The following MORC1 variants were observed in gnomAD, a reference collection of about 807,000 sequenced individuals.
MORC1 encodes the protein MORC family CW-type zinc finger protein 1.
A neutral mutation model predicts 134.9 loss-of-function variants in MORC1; 59 were observed. The observed-to-expected ratio is 0.44, with a 90% CI of 0.35 to 0.54. The LOEUF (loss-of-function observed/expected upper bound fraction) is 0.54. MORC1 is among the 20% of genes least tolerant of loss of function. The pLI, the probability that MORC1 is intolerant of heterozygous loss-of-function variation, is 0.00. For missense variants in MORC1, 947 were observed against 1,134.5 expected (o/e 0.83, Z 2.37); for synonymous variants, 395 against 391.7 (o/e 1.01, Z -0.10).
chr3:109,073,892 T>C (rs909334422), intron 8 of MORC1, among the ~76,000 whole-genome samples: 17 of 152,144 alleles, frequency 1.1e-4, no homozygotes, highest in African/African-American at 3.6e-4. Context: ...CTATGAGAAA[T>C]GTCAACTCGA....
intron 27 of MORC1, among the ~76,000 whole-genome samples, chr3:108,959,476 AG>A (rs913552666): frequency 2.6e-5 from 4 of 152,130 alleles, no homozygotes; most frequent in Non-Finnish European, 5.9e-5. Context: ...TTAGCCTTGT[AG>A]GCAAAAACAG....
At chr3:109,057,614 G>A in intron 12 of MORC1, 128 bp from the exon 13 acceptor site, 2 of 707,132 alleles carry the variant, frequency 2.8e-6, no homozygotes, top group Non-Finnish European at 4.2e-6. Flanking sequence ...GCAAAACCTG[G>A]TAGGCACACT....
intron 21 of MORC1, among the ~76,000 whole-genome samples, chr3:108,989,474 C>T (rs1016473478): frequency 6.6e-6 from 1 of 152,084 alleles, no homozygotes; most frequent in African/African-American, 2.4e-5. Context: ...ATACTGCATG[C>T]TCAATTTTGT....
chr3:109,059,780 T>A (rs368432130), intron 12 of MORC1, 26 bp downstream of exon 12: 1 of 1,602,808 alleles, frequency 6.2e-7, no homozygotes, highest in Non-Finnish European at 8.5e-7. Context: ...AGAGGATTCC[T>A]GCAAACAGAA....
intron 17 of MORC1, among the ~76,000 whole-genome samples, chr3:109,018,668 C>T (rs1279737650): frequency 6.6e-6 from 1 of 152,178 alleles, no homozygotes; most frequent in Non-Finnish European, 1.5e-5. Context: ...CAATCCATTG[C>T]TCCAGGGGTA....
rs1307634761 is a variant in MORC1 at position 109,040,484 on chromosome 3, GA to G, written c.1331-5017del. Among the ~76,000 whole-genome samples the G allele has an allele frequency of 1.9e-3, 276 of 145,872 alleles. 20 individuals carry two copies. Among genetic ancestry groups the G allele is most frequent in the African/African-American group, 6.2e-3 (238 of 38,444 alleles). On this transcript the variant is annotated intron_variant, in intron 14 of 27. Transcript: ENST00000232603. ...AGAAAGAAAGAAAGAAAGAAAGAAA[GA>G]AAGGAAAGAAAAGAAAGGAAGGAAG...
chr3:109,080,364 C>A (rs1950499717), intron 8 of MORC1, among the ~76,000 whole-genome samples: 1 of 152,100 alleles, frequency 6.6e-6, no homozygotes, highest in African/African-American at 2.4e-5. Context: ...CACAAGAACA[C>A]CACAGCAAAG....
At chr3:108,959,294 G>A (rs1470885714) in intron 27 of MORC1, among the ~76,000 whole-genome samples, 174 bp from the exon 28 acceptor site, 1 of 152,144 alleles carries the variant, frequency 6.6e-6, no homozygotes, top group African/African-American at 2.4e-5. Context: ...GTCATTTTAT[G>A]CTAACAAGCG....
chr3:109,071,381 A>T (rs1576709878), intron 8 of MORC1, among the ~76,000 whole-genome samples: 1 of 152,184 alleles, frequency 6.6e-6, no homozygotes, highest in South Asian at 2.1e-4. Flanking sequence ...CTACCTTTTA[A>T]TAGCTCAATT....
chr3:108,997,240 T>C (rs2107510368), intron 21 of MORC1, among the ~76,000 whole-genome samples: 1 of 152,118 alleles, frequency 6.6e-6, no homozygotes, highest in South Asian at 2.1e-4. Context: ...TTTTTAAAAA[T>C]TGCTTCAACA....
intron 4 of MORC1, among the ~76,000 whole-genome samples, chr3:109,103,046 C>A (rs940901292): frequency 6.6e-6 from 1 of 152,164 alleles, no homozygotes; most frequent in African/African-American, 2.4e-5. Context: ...ATATCTTCAG[C>A]TTCTATCAGC....
intron 1 of MORC1, among the ~76,000 whole-genome samples, chr3:109,115,297 GACA>G (rs1288650126): frequency 4.0e-5 from 6 of 150,912 alleles, no homozygotes; most frequent in African/African-American, 1.2e-4. Flanking sequence ...CAGGCCACAG[GACA>G]ACACTTTAGT....
intron 26 of MORC1, among the ~76,000 whole-genome samples, chr3:108,963,922 A>G (rs1947149840): frequency 6.6e-6 from 1 of 152,236 alleles, no homozygotes; most frequent in Non-Finnish European, 1.5e-5. Flanking sequence ...CTGTTCTCCC[A>G]ATGGCGATCA....
intron 17 of MORC1, among the ~76,000 whole-genome samples, chr3:109,011,801 G>A (rs964601543): frequency 2.6e-5 from 4 of 152,134 alleles, no homozygotes; most frequent in Admixed American, 6.5e-5. Context: ...GATTACAGGC[G>A]TGAGCCACTG....
chr3:108,963,797 A>C (rs1465101350), intron 26 of MORC1, among the ~76,000 whole-genome samples, 189 bp from the exon 27 acceptor site: 1 of 152,240 alleles, frequency 6.6e-6, no homozygotes, highest in Non-Finnish European at 1.5e-5. Context: ...CTAAGAGAGA[A>C]GAGAAAAATG....
chr3:108,985,400 C>G (rs1332784912), intron 22 of MORC1, among the ~76,000 whole-genome samples: 1 of 152,128 alleles, frequency 6.6e-6, no homozygotes, highest in Non-Finnish European at 1.5e-5. Context: ...GTCCTTCTTC[C>G]ATGTAGAAGT....
At chr3:109,037,055 A>T (rs138138943) in intron 14 of MORC1, among the ~76,000 whole-genome samples, 1 of 152,336 alleles carries the variant, frequency 6.6e-6, no homozygotes, top group African/African-American at 2.4e-5. Context: ...ACCTGGAATT[A>T]GGTAGATTCA....
At chr3:109,072,242 C>A (rs1343143295) in intron 8 of MORC1, among the ~76,000 whole-genome samples, 1 of 152,188 alleles carries the variant, frequency 6.6e-6, no homozygotes, top group African/African-American at 2.4e-5. Flanking sequence ...TAGGACCATT[C>A]TCAGTTCTCC....
intron 17 of MORC1, among the ~76,000 whole-genome samples, chr3:109,017,178 T>C (rs1948836843): frequency 6.6e-6 from 1 of 152,220 alleles, no homozygotes; most frequent in Non-Finnish European, 1.5e-5. Context: ...ATCAATCGCC[T>C]TTCTGTTATA....
Sources: allele counts gnomAD v4.1 joint callset (sites outside exome capture counted in the v4.1 genomes callset), GRCh38; gene constraint gnomAD v4.1.1; transcripts MANE v1.5; gene names NCBI Gene and HGNC (gene_info 2026-07-23, HGNC 2026-07-21).